Variants in KIAA1671 observed in about 807,000 individuals in gnomAD.
KIAA1671 encodes the protein uncharacterized protein KIAA1671.
A neutral mutation model predicts 131.2 loss-of-function variants in KIAA1671; 52 were observed. The observed-to-expected ratio is 0.40, with a 90% CI of 0.32 to 0.50. The LOEUF (loss-of-function observed/expected upper bound fraction) is 0.50, where lower values mean the gene tolerates loss of function less well. Ranked by LOEUF, KIAA1671 falls within the 20% of genes least tolerant of loss-of-function variation. KIAA1671 has a pLI of 0.73. For synonymous variants in KIAA1671, 1,003 were observed against 961.6 expected, an observed-to-expected ratio of 1.04 and a Z score of -0.80; for missense variants, 2,360 against 2,364.2, an observed-to-expected ratio of 1.00 and a Z score of 0.04.
intron 6 of KIAA1671, among the ~76,000 whole-genome samples, chr22:25,154,803 T>C (rs1351310200): frequency 6.6e-6 from 1 of 152,220 alleles, no homozygotes; most frequent in Non-Finnish European, 1.5e-5. Context: ...CATGCTGAGC[T>C]TCCTATAGGC....
chr22:25,125,845 A>G (rs553650649), intron 6 of KIAA1671, among the ~76,000 whole-genome samples: 9 of 152,380 alleles, frequency 5.9e-5, no homozygotes, highest in Non-Finnish European at 8.8e-5. Context: ...CTTACCCAAC[A>G]GATTCTGGAC....
intron 1 of KIAA1671, among the ~76,000 whole-genome samples, chr22:24,996,629 C>T (rs144391019): frequency 9.2e-5 from 14 of 152,182 alleles, no homozygotes; most frequent in African/African-American, 3.4e-4. Flanking sequence ...GGGGAGGGGA[C>T]ATTTGGCCTC....
rs562826805 is a variant in KIAA1671 at position 25,181,287 on chromosome 22, C to T, written c.5075-412C>T. Among the ~76,000 whole-genome samples the T allele has an allele frequency of 1.2e-3, 176 of 152,288 alleles. 2 individuals are homozygous for T. The South Asian group carries it at 0.03, about 26-fold the overall frequency. Reference sequence around the variant, plus strand: ...ATGGCTTCCTGGTCCACCTTTGGGCCGCCTTTCCACAAGACACATGAAGCT... The same window carrying T: ...ATGGCTTCCTGGTCCACCTTTGGGCTGCCTTTCCACAAGACACATGAAGCT... On this transcript the variant is annotated intron_variant, in intron 9 of 12. Coordinates refer to ENST00000358431, the MANE Select transcript of KIAA1671 (RefSeq NM_001145206.2).
intron 1 of KIAA1671, among the ~76,000 whole-genome samples, chr22:25,015,322 C>CAAACCAAT (rs1925251213): frequency 1.3e-5 from 2 of 150,868 alleles, no homozygotes; most frequent in South Asian, 4.2e-4. Context: ...ACTTTATTTG[C>CAAACCAAT]AAAACCAGGC....
In KIAA1671 at chr22:25,028,629, G is replaced by T; in HGVS notation, c.630G>T (p.Glu210Asp). ...ACACAAAACCACCTGTACCCCAAGA[G>T]GAGGCAGGCCAAGACCATCCTCCCT... ...SQDTKPPVPQ[E>D]EAGQDHPPSK... is the part of the protein sequence containing the mutation. The change falls in exon 3 of 13, where the codon GAG becomes GAT. Residue 210 changes from glutamate to aspartate, a missense_variant. Glu to Asp is a conservative substitution (Grantham distance 45). Around this residue, in one of 3 missense-constraint regions of KIAA1671, gnomAD observed 1,185 missense variants for 1,126.2 expected, o/e 1.05. Coordinates refer to ENST00000358431, the MANE Select transcript of KIAA1671 (RefSeq NM_001145206.2). 1 of 1,550,970 alleles carries T rather than the reference G, an allele frequency of 6.4e-7. No homozygotes were observed. Among genetic ancestry groups the T allele is most frequent in the Admixed American group, 2.0e-5 (1 of 51,000 alleles).
chr22:25,099,553 T>G (rs1358315254), intron 6 of KIAA1671, among the ~76,000 whole-genome samples: 2 of 54,314 alleles, frequency 3.7e-5, no homozygotes, highest in Non-Finnish European at 9.2e-5. Flanking sequence ...TTGTTTTTTT[T>G]TTTTTTTTTT....
intron 1 of KIAA1671, among the ~76,000 whole-genome samples, chr22:25,021,912 G>A (rs1214683283): frequency 6.6e-6 from 1 of 151,888 alleles, no homozygotes; most frequent in Non-Finnish European, 1.5e-5. Context: ...TCAGCCTCCC[G>A]AGTAGCTGAG....
At position 24,986,666 on chromosome 22, in the gene KIAA1671, C is replaced by CCCACCCAT. The variant is rs1245204600; in HGVS notation, c.-208+33910_-208+33917dup. The stretch of plus-strand genomic sequence containing the variant: ...ACCCATCCACCCACCCACCCATCCA[C>CCCACCCAT]CCACCCATCCACCCATCCACCCACC... On this transcript the variant is annotated intron_variant, in intron 1 of 12. Transcript: ENST00000358431. Among the ~76,000 whole-genome samples, 821 of 128,770 alleles carry CCCACCCAT rather than the reference C, an allele frequency of 6.4e-3. 3 individuals are homozygous for CCCACCCAT. Among genetic ancestry groups the CCCACCCAT allele is most frequent in the Non-Finnish European group, 9.8e-3 (588 of 59,768 alleles). 84.5% of individuals were successfully genotyped at this position (128,770 alleles called of 152,430 possible).
chr22:25,049,008 C>T, intron 5 of KIAA1671: 2 of 542,514 alleles, frequency 3.7e-6, no homozygotes, highest in East Asian at 3.1e-5. Context: ...GGTTGAGGCA[C>T]CCACCTGAGG....
chr22:24,966,053 C>T (rs1297915222), intron 1 of KIAA1671, among the ~76,000 whole-genome samples: 1 of 152,164 alleles, frequency 6.6e-6, no homozygotes, highest in African/African-American at 2.4e-5. Flanking sequence ...CGCCTTGCTT[C>T]GCAGCTAGTG....
chr22:25,170,023 C>T (rs888366488), intron 6 of KIAA1671, among the ~76,000 whole-genome samples: 3 of 152,138 alleles, frequency 2.0e-5, no homozygotes, highest in Non-Finnish European at 2.9e-5. Flanking sequence ...ACGCCGTTCT[C>T]CTGCCTCAGC....
chr22:24,963,416 C>G (rs1443656703), intron 1 of KIAA1671, among the ~76,000 whole-genome samples: 2 of 147,830 alleles, frequency 1.4e-5, no homozygotes, highest in Non-Finnish European at 3.0e-5. Flanking sequence ...CATGCCAAGT[C>G]TGGGGAGAAT....
At chr22:25,153,378 ACATTG>A (rs1169055427) in intron 6 of KIAA1671, among the ~76,000 whole-genome samples, 6 of 152,140 alleles carry the variant, frequency 3.9e-5, no homozygotes, top group Non-Finnish European at 4.4e-5. Flanking sequence ...GGTGCTACTG[ACATTG>A]GTGGCTGGAG....
intron 3 of KIAA1671, among the ~76,000 whole-genome samples, chr22:25,030,121 G>A (rs987659729): frequency 4.4e-4 from 67 of 152,340 alleles, no homozygotes; most frequent in African/African-American, 1.5e-3. Context: ...GATACTCTAA[G>A]TCAGTTGGTT....
chr22:25,025,627 C>T lies in KIAA1671; in HGVS notation c.-207-6C>T, dbSNP rs1925910752. 1 of 152,236 alleles carries T rather than the reference C, an allele frequency of 6.6e-6. No individual in the cohort carries two copies. Among genetic ancestry groups the T allele is most frequent in the South Asian group, 2.1e-4 (1 of 4,822 alleles). The allele number at this position is 152,236 out of a possible 1,614,324, so 9.4% of individuals were successfully genotyped here. ...GAACTGAGGCTGTCATCCTGTGTCTCCTTAGACCTGCTGAAACTCAGCCTG... is the reference window on the plus strand; with the variant it reads ...GAACTGAGGCTGTCATCCTGTGTCTTCTTAGACCTGCTGAAACTCAGCCTG... On this transcript the variant is annotated splice_polypyrimidine_tract_variant and splice_region_variant and intron_variant, in intron 1 of 12. Transcript: ENST00000358431.
At chr22:25,014,562 A>G (rs1925206585) in intron 1 of KIAA1671, 2 of 152,022 alleles carry the variant, frequency 1.3e-5, no homozygotes, top group Non-Finnish European at 2.9e-5. Context: ...ACACCACCAT[A>G]CCCAGTAAGT....
At chr22:25,174,533 A>C in intron 8 of KIAA1671, 44 bp downstream of exon 8, 6 of 1,474,772 alleles carry the variant, frequency 4.1e-6, no homozygotes, top group Non-Finnish European at 5.4e-6. Context: ...TGGAAATTCC[A>C]GCCTCTCTCT....
At chr22:25,021,067 A>G (rs1245119708) in intron 1 of KIAA1671, among the ~76,000 whole-genome samples, 1 of 151,976 alleles carries the variant, frequency 6.6e-6, no homozygotes, top group African/African-American at 2.4e-5. Flanking sequence ...GAGGAGGCTG[A>G]TTTTATTTTA....
chr22:25,020,490 T>C (rs1468662920), intron 1 of KIAA1671, among the ~76,000 whole-genome samples: 1 of 152,210 alleles, frequency 6.6e-6, no homozygotes, highest in Non-Finnish European at 1.5e-5. Flanking sequence ...ACACCGACTT[T>C]ATGCCCCTTA....
Sources: gnomAD v4.1 joint callset for allele counts (sites outside exome capture counted in the v4.1 genomes callset) on GRCh38, gnomAD v4.1.1 for gene constraint, gnomAD v4.1.1 regional missense constraint, MANE v1.5 for transcripts, NCBI Gene and HGNC (gene_info 2026-07-23, HGNC 2026-07-21) for gene names.